Variants in SLC24A2 observed in about 807,000 individuals in gnomAD.
SLC24A2 encodes solute carrier family 24 member 2.
SLC24A2 carries 36 observed loss-of-function variants against 62.0 expected under a neutral mutation model. That is an observed-to-expected ratio of 0.58 (90% CI 0.44 to 0.77). The LOEUF (loss-of-function observed/expected upper bound fraction) is 0.77, where lower values mean the gene tolerates loss of function less well. Among genes scored for constraint, SLC24A2 ranks in the 30% least tolerant of loss-of-function variants. The pLI, the probability that SLC24A2 is intolerant of heterozygous loss-of-function variation, is 0.00. For synonymous variants in SLC24A2, 358 were observed against 294.0 expected (o/e 1.22, Z -2.23); for missense variants, 846 against 817.9 (o/e 1.03, Z -0.42).
intron 8 of SLC24A2, among the ~76,000 whole-genome samples, chr9:19,542,517 C>A (rs1237925077): frequency 6.6e-6 from 1 of 152,098 alleles, no homozygotes; most frequent in East Asian, 1.9e-4. Context: ...TGTCTTGTGC[C>A]AGTTTTCAAA....
chr9:20,045,436 T>C, the SLC24A2 span, among the ~76,000 whole-genome samples: 3 of 151,970 alleles, frequency 2.0e-5, no homozygotes, highest in Non-Finnish European at 2.9e-5. Context: ...TTATTATTAT[T>C]ATCATTATTT....
rs1832796683 is a variant in SLC24A2, at chr9:19,513,190, ATGTATATATT to A, written c.*2953_*2962del. 2 of 142,350 alleles carry A rather than the reference ATGTATATATT, an allele frequency of 1.4e-5. No homozygotes were observed. Among genetic ancestry groups the A allele is most frequent in the East Asian group, 2.2e-4 (1 of 4,506 alleles). The allele number at this position is 142,350 out of a possible 1,614,324, so 8.8% of individuals were successfully genotyped here. A position where few individuals can be genotyped will look rare whatever the true frequency, so the allele number is the denominator to read the frequency against. On this transcript the variant is annotated 3_prime_UTR_variant, in exon 11 of 11. Transcript: ENST00000341998. ...TATATATATATGTATATATATATAT[ATGTATATATT>A]TATATATGTATATACACAGGCATGC...
chr9:20,091,467 T>A, the SLC24A2 span, among the ~76,000 whole-genome samples: 1 of 151,968 alleles, frequency 6.6e-6, no homozygotes, highest in African/African-American at 2.4e-5. Flanking sequence ...CCAAGTCACC[T>A]ATAAAGGAAA....
intron 2 of SLC24A2, among the ~76,000 whole-genome samples, chr9:19,688,201 C>T (rs191493600): frequency 1.3e-3 from 204 of 152,132 alleles, no homozygotes; most frequent in African/African-American, 4.6e-3. Flanking sequence ...TAATACCCTG[C>T]GAAAAGAGCC....
the SLC24A2 span, among the ~76,000 whole-genome samples, chr9:20,108,014 C>T: frequency 6.6e-6 from 1 of 152,212 alleles, no homozygotes; most frequent in African/African-American, 2.4e-5. Flanking sequence ...AAAAAACAAA[C>T]AACCCCATCA....
At chr9:19,623,335 G>A (rs377741631) in intron 2 of SLC24A2, among the ~76,000 whole-genome samples, 3 of 152,246 alleles carry the variant, frequency 2.0e-5, no homozygotes, top group Non-Finnish European at 4.4e-5. Flanking sequence ...CTAAACAGAC[G>A]TCTGTCTTCA....
chr9:20,256,396 CA>C, the SLC24A2 span, among the ~76,000 whole-genome samples: 3 of 152,150 alleles, frequency 2.0e-5, no homozygotes, highest in Non-Finnish European at 1.5e-5. Flanking sequence ...TCAAGAACTC[CA>C]AAGGCTACAC....
At position 19,510,943 on chromosome 9, in the gene SLC24A2, G is replaced by A. The variant is rs921573411; in HGVS notation, c.*5210C>T. ...GAAATCTGTCCCTAGCCATATTAAG[G>A]GCCTCTGTGGAGTTTGGGTGGTTCT... On this transcript the variant is annotated 3_prime_UTR_variant, in exon 11 of 11. Transcript: ENST00000341998. 1.3e-5 allele frequency: 2 copies of A among 152,140 alleles called. No homozygotes were observed. Among genetic ancestry groups the A allele is most frequent in the Admixed American group, 1.3e-4 (2 of 15,270 alleles). The allele number at this position is 152,140 out of a possible 1,614,324, so 9.4% of individuals were successfully genotyped here.
At chr9:19,827,301 C>T in the SLC24A2 span, among the ~76,000 whole-genome samples, 2 of 152,100 alleles carry the variant, frequency 1.3e-5, no homozygotes, top group African/African-American at 4.8e-5. Context: ...CTGTTTACCT[C>T]CACTCCCCAA....
chr9:19,935,840 C>T, the SLC24A2 span, among the ~76,000 whole-genome samples: 2 of 152,166 alleles, frequency 1.3e-5, no homozygotes, highest in Non-Finnish European at 2.9e-5. Context: ...ATCCCACTGA[C>T]TGAAGTCAAC....
At chr9:20,073,929 T>C in the SLC24A2 span, among the ~76,000 whole-genome samples, 1 of 147,638 alleles carries the variant, frequency 6.8e-6, no homozygotes, top group African/African-American at 2.5e-5. Flanking sequence ...GATATATATA[T>C]ATATATATAT....
chr9:19,866,388 A>G, the SLC24A2 span, among the ~76,000 whole-genome samples: 1 of 152,200 alleles, frequency 6.6e-6, no homozygotes, highest in Non-Finnish European at 1.5e-5. Context: ...TATTGAAGCT[A>G]TATTTGCACT....
the SLC24A2 span, among the ~76,000 whole-genome samples, chr9:19,802,566 T>C: frequency 6.6e-6 from 1 of 152,236 alleles, no homozygotes; most frequent in African/African-American, 2.4e-5. Context: ...TTAAATATTT[T>C]ATCTGATTAG....
the SLC24A2 span, among the ~76,000 whole-genome samples, chr9:20,050,973 A>G: frequency 6.6e-6 from 1 of 152,204 alleles, no homozygotes; most frequent in African/African-American, 2.4e-5. Context: ...GGAATAAAAG[A>G]AAAAATACGT....
At chr9:20,090,462 T>C in the SLC24A2 span, among the ~76,000 whole-genome samples, 25 of 152,008 alleles carry the variant, frequency 1.6e-4, no homozygotes, top group African/African-American at 5.8e-4. Flanking sequence ...GGGAGCACGA[T>C]TGCAATTGGT....
At chr9:19,768,574 G>C (rs2118882814) in intron 2 of SLC24A2, among the ~76,000 whole-genome samples, 1 of 152,168 alleles carries the variant, frequency 6.6e-6, no homozygotes, top group South Asian at 2.1e-4. Flanking sequence ...CTAATGGGTG[G>C]GTAGCATCTA....
the SLC24A2 span, among the ~76,000 whole-genome samples, chr9:20,214,630 A>T: frequency 6.0e-4 from 17 of 28,404 alleles, 1 homozygote; most frequent in Admixed American, 2.7e-3. Flanking sequence ...AATAAAAAAT[A>T]AAAAAAAAAA....
chr9:20,192,282 G>C, the SLC24A2 span, among the ~76,000 whole-genome samples: 1 of 152,104 alleles, frequency 6.6e-6, no homozygotes, highest in African/African-American at 2.4e-5. Flanking sequence ...AGGCCAAGAA[G>C]ATGGACAAAG....
At chr9:20,004,242 C>T in the SLC24A2 span, among the ~76,000 whole-genome samples, 1 of 152,318 alleles carries the variant, frequency 6.6e-6, no homozygotes, top group African/African-American at 2.4e-5. Context: ...AAATACTTAG[C>T]CTCCTACCTT....
Sources: allele counts gnomAD v4.1 joint callset (sites outside exome capture counted in the v4.1 genomes callset), GRCh38; gene constraint gnomAD v4.1.1; transcripts MANE v1.5; gene names NCBI Gene and HGNC (gene_info 2026-07-23, HGNC 2026-07-21).